PTPRN2: variants seen among roughly 807,000 people sequenced by gnomAD.
The protein encoded by PTPRN2 is protein tyrosine phosphatase receptor type N2, also known as receptor-type tyrosine-protein phosphatase N2.
A neutral mutation model predicts 118.8 loss-of-function variants in PTPRN2; 74 were observed. That is an observed-to-expected ratio of 0.62 (90% CI 0.52 to 0.76). The LOEUF is 0.76. Ranked by LOEUF, PTPRN2 falls within the 30% of genes least tolerant of loss-of-function variation. PTPRN2 has a pLI of 0.00. For missense variants in PTPRN2, 1,481 were observed against 1,394.4 expected, an observed-to-expected ratio of 1.06 and a Z score of -0.99; for synonymous variants, 641 against 608.0, an observed-to-expected ratio of 1.05 and a Z score of -0.80.
chr7:158,125,566 G>A (rs2150405670), intron 9 of PTPRN2, among the ~76,000 whole-genome samples: 1 of 152,266 alleles, frequency 6.6e-6, no homozygotes, highest in South Asian at 2.1e-4. Flanking sequence ...ACCCATCGGG[G>A]CTATAACCCC....
At chr7:158,220,699 C>A (rs1828290569) in intron 3 of PTPRN2, among the ~76,000 whole-genome samples, 1 of 151,772 alleles carries the variant, frequency 6.6e-6, no homozygotes, top group African/African-American at 2.4e-5. Flanking sequence ...TTAAAAAACA[C>A]TGCAGAGATA....
rs73745183 is a variant in PTPRN2, at chr7:158,161,976, T to G, written c.910+4955A>C. 4.2e-3 allele frequency among the ~76,000 whole-genome samples: 645 copies of G among 152,086 alleles called. 5 individuals are homozygous for G. The highest frequency in any genetic ancestry group is 0.015 in the African/African-American group (612 of 41,476). On this transcript the variant is annotated intron_variant, in intron 6 of 22. Coordinates refer to ENST00000389418, the MANE Select transcript of PTPRN2 (RefSeq NM_002847.5). Reference sequence around the variant, plus strand: ...GAAGATACACAGATGAAAACAAGCATGTGAAGATGCTCTGCTTCCTCCATC... The same window carrying G: ...GAAGATACACAGATGAAAACAAGCAGGTGAAGATGCTCTGCTTCCTCCATC...
At chr7:157,576,495 G>A (rs1800047603) in intron 19 of PTPRN2, 118 bp downstream of exon 19, 1 of 1,098,832 alleles carries the variant, frequency 9.1e-7, no homozygotes, top group African/African-American at 1.6e-5. Context: ...CCTCCCCCCT[G>A]CGGCGCCGAC....
At chr7:158,331,181 GTCAC>G (rs1804345897) in intron 2 of PTPRN2, among the ~76,000 whole-genome samples, 1 of 135,986 alleles carries the variant, frequency 7.4e-6, no homozygotes, top group Non-Finnish European at 1.6e-5. Flanking sequence ...CAGAAGAGCT[GTCAC>G]ACGCAGACGT....
intron 12 of PTPRN2, among the ~76,000 whole-genome samples, chr7:157,742,685 G>A (rs1180178447): frequency 6.6e-6 from 1 of 152,176 alleles, no homozygotes; most frequent in African/African-American, 2.4e-5. Flanking sequence ...ATCTCAAGAT[G>A]TGTGTCTGCT....
At position 158,563,166 on chromosome 7, in the gene PTPRN2, C is replaced by T. The variant is rs937858587; in HGVS notation, c.112+24392G>A. Among the ~76,000 whole-genome samples the T allele has an allele frequency of 6.6e-6, 1 of 152,154 alleles. No homozygotes were observed. The highest frequency in any genetic ancestry group is 6.5e-5 in the Admixed American group (1 of 15,272). On this transcript the variant is annotated intron_variant, in intron 1 of 22. Coordinates refer to ENST00000389418, the MANE Select transcript of PTPRN2 (RefSeq NM_002847.5). The surrounding 1 kb of genome is among the most constrained non-coding windows in gnomAD (Gnocchi z 5.1). ...GAAGAAGAGAGGTCCTACCTGAAACCTCACAGGGAAATTTGTGCCTTCTCC... is the reference window on the plus strand; with the variant it reads ...GAAGAAGAGAGGTCCTACCTGAAACTTCACAGGGAAATTTGTGCCTTCTCC...
intron 6 of PTPRN2, among the ~76,000 whole-genome samples, chr7:158,143,933 G>T (rs960085113): frequency 6.6e-6 from 1 of 152,010 alleles, no homozygotes; most frequent in Non-Finnish European, 1.5e-5. Flanking sequence ...AGTGGCCACC[G>T]TCCCCCCCGC....
chr7:158,327,020 T>A (rs28970704), intron 2 of PTPRN2, among the ~76,000 whole-genome samples: 83,393 of 149,868 alleles, frequency 0.56, 23,081 homozygotes, highest in East Asian at 0.59. Context: ...TTCTCACATA[T>A]ATACACATTC....
chr7:158,379,897 CAA>C (rs1010722336), intron 2 of PTPRN2, among the ~76,000 whole-genome samples: 9 of 152,142 alleles, frequency 5.9e-5, no homozygotes, highest in Admixed American at 2.6e-4. Context: ...CAAAGAGGAG[CAA>C]AGTCACATCT....
At chr7:157,891,422 C>T (rs964639547) in intron 12 of PTPRN2, among the ~76,000 whole-genome samples, 18 of 139,186 alleles carry the variant, frequency 1.3e-4, no homozygotes, top group Middle Eastern at 7.1e-3. Flanking sequence ...CCCCGCCCCC[C>T]ACCCCAGGTA....
intron 12 of PTPRN2, among the ~76,000 whole-genome samples, chr7:157,758,408 G>C (rs6963605): frequency 2.6e-5 from 4 of 152,336 alleles, no homozygotes; most frequent in African/African-American, 7.2e-5. Context: ...TCAGAGGCGA[G>C]GTAGGTGGCA....
intron 2 of PTPRN2, among the ~76,000 whole-genome samples, chr7:158,351,948 TCCCCTCCTGTCCGCTCCCCTCCTGA>T (rs1807994215): frequency 1.3e-4 from 14 of 106,680 alleles, no homozygotes; most frequent in Non-Finnish European, 1.4e-4. Context: ...TCCTGACCGC[TCCCCTCCTGTCCGCTCCCCTCCTGA>T]CCGCTCCCCT....
chr7:158,332,678 CA>C (rs1804733167), intron 2 of PTPRN2, among the ~76,000 whole-genome samples: 1 of 149,366 alleles, frequency 6.7e-6, no homozygotes, highest in African/African-American at 2.5e-5. Context: ...CACTCACACC[CA>C]CACTCTAACC....
At position 157,583,484 on chromosome 7, in the gene PTPRN2, C is replaced by T. The variant is rs550170635; in HGVS notation, c.2497-5344G>A. Among the ~76,000 whole-genome samples, 10 of 152,250 alleles carry T rather than the reference C, an allele frequency of 6.6e-5. No homozygotes were observed. The highest frequency in any genetic ancestry group is 6.2e-4 in the South Asian group (3 of 4,830). Reference sequence around the variant, plus strand: ...AGGTGCTTCACCACACACAAAGAAACGGTAACTACGCGAGGAGACGTGTAT... The same window carrying T: ...AGGTGCTTCACCACACACAAAGAAATGGTAACTACGCGAGGAGACGTGTAT... On this transcript the variant is annotated intron_variant, in intron 17 of 22. Transcript: ENST00000389418. This position sits in a 1 kb window ranked among gnomAD's most constrained non-coding sequence, Gnocchi z 5.5.
At chr7:158,428,212 T>C (rs12534957) in intron 2 of PTPRN2, among the ~76,000 whole-genome samples, 2,061 of 152,320 alleles carry the variant, frequency 0.014, 24 homozygotes, top group Non-Finnish European at 0.023. Context: ...GGGCACTCTC[T>C]CATCCCAAAA....
rs1219465115 is a variant in PTPRN2 at position 157,615,088 on chromosome 7, A to G, written c.2344+6274T>C. Among the ~76,000 whole-genome samples, 1 of 152,242 alleles carries G rather than the reference A, an allele frequency of 6.6e-6. No individual in the cohort carries two copies. Among genetic ancestry groups the G allele is most frequent in the East Asian group, 1.9e-4 (1 of 5,202 alleles). ...GTCATGACGCCTGATACTTACTTGA[A>G]GTCGTCCAGCCAGAAAATAAATGAA... is the stretch of plus-strand genomic sequence containing the variant. On this transcript the variant is annotated intron_variant, in intron 15 of 22. Transcript: ENST00000389418. This position sits in a 1 kb window ranked among gnomAD's most constrained non-coding sequence, Gnocchi z 4.3.
At chr7:157,658,270 T>C (rs1795696935) in intron 13 of PTPRN2, among the ~76,000 whole-genome samples, 1 of 152,162 alleles carries the variant, frequency 6.6e-6, no homozygotes, top group African/African-American at 2.4e-5. Flanking sequence ...AAGAACCTCA[T>C]TCTGACGTTT....
intron 1 of PTPRN2, among the ~76,000 whole-genome samples, chr7:158,528,711 A>G (rs570843327): frequency 1.3e-5 from 2 of 151,810 alleles, no homozygotes; most frequent in Admixed American, 6.6e-5. Flanking sequence ...GGAGAGTGGC[A>G]TGAACATGGG....
chr7:157,813,272 C>T lies in PTPRN2; in HGVS notation c.1788+85401G>A, dbSNP rs759005830. ...AGCCCAGACCTTTGGGACCCCTCAC[C>T]CTGCCCGGTCCTCCTGCTGTGGGGT... On this transcript the variant is annotated intron_variant, in intron 12 of 22. Transcript: ENST00000389418. This position sits in a 1 kb window ranked among gnomAD's most constrained non-coding sequence, Gnocchi z 4.7. Among the ~76,000 whole-genome samples the T allele has an allele frequency of 7.9e-5, 12 of 152,122 alleles. No individual in the cohort carries two copies. Among genetic ancestry groups the T allele is most frequent in the Non-Finnish European group, 1.8e-4 (12 of 68,028 alleles).
Sources: gnomAD v4.1 joint callset for allele counts (sites outside exome capture counted in the v4.1 genomes callset) on GRCh38, gnomAD v4.1.1 for gene constraint, Gnocchi (gnomAD v3.1) non-coding constraint, MANE v1.5 for transcripts, NCBI Gene and HGNC (gene_info 2026-07-23, HGNC 2026-07-21) for gene names.